Variants in ITPRIPL2 observed in about 807,000 individuals in gnomAD.
ITPRIPL2 encodes ITPRIP like 2.
ITPRIPL2 carries 29 observed loss-of-function variants against 31.7 expected under a neutral mutation model. The observed-to-expected ratio is 0.91, with a 90% CI of 0.68 to 1.25. The LOEUF (loss-of-function observed/expected upper bound fraction) is 1.25, where lower values mean the gene tolerates loss of function less well. Among genes scored for constraint, ITPRIPL2 ranks in the 50% most tolerant of loss-of-function variants. The pLI, the probability that ITPRIPL2 is intolerant of heterozygous loss-of-function variation, is 0.00. For synonymous variants in ITPRIPL2, 344 were observed against 343.4 expected (o/e 1.00, Z -0.02); for missense variants, 696 against 739.1 (o/e 0.94, Z 0.68).
chr16:19,119,925 G>T lies in ITPRIPL2; in HGVS notation c.*3856G>T, dbSNP rs1342939796. On this transcript the variant is annotated 3_prime_UTR_variant, in exon 1 of 1. Coordinates refer to ENST00000381440, the MANE Select transcript of ITPRIPL2 (RefSeq NM_001034841.4). The stretch of plus-strand genomic sequence containing the variant: ...TTGCAGATGAGTAATCAGAAGGATT[G>T]CAGAATAACTTGTTTCTTTGTATTT... The T allele has an allele frequency of 6.0e-6, 1 of 167,004 alleles. No individual in the cohort carries two copies. Among genetic ancestry groups the T allele is most frequent in the Non-Finnish European group, 1.5e-5 (1 of 68,102 alleles). 10.3% of individuals were successfully genotyped at this position (167,004 alleles called of 1,614,324 possible).
chr16:19,114,315 C>A lies in ITPRIPL2; in HGVS notation c.-147C>A. On this transcript the variant is annotated 5_prime_UTR_variant, in exon 1 of 1. Transcript: ENST00000381440. The stretch of plus-strand genomic sequence containing the variant: ...AGAGGAGGCCGAGCTGGAGGGCGGC[C>A]TCCCTCGGGCCTGCGTTCGGGAAGC... The A allele has an allele frequency of 2.1e-6, 1 of 482,632 alleles. No individual in the cohort carries two copies. The highest frequency in any genetic ancestry group is 3.3e-6 in the Non-Finnish European group (1 of 304,946). The allele number at this position is 482,632 out of a possible 1,614,324, so 29.9% of individuals were successfully genotyped here. A position where few individuals can be genotyped will look rare whatever the true frequency, so the allele number is the denominator to read the frequency against.
chr16:19,115,167 T>A lies in ITPRIPL2; in HGVS notation c.706T>A (p.Phe236Ile). ...GGACTGCAAACCCTTTGCTGATGCC[T>A]TCTGCGTGGATGTGCGCGGGCGGCG... Reference protein sequence around the residue: ...LRDCKPFADAFCVDVRGRRHL... With the variant: ...LRDCKPFADAICVDVRGRRHL... Residue 236 changes from phenylalanine to isoleucine, a missense_variant, in exon 1 of 1, where the codon TTC becomes ATC. Physicochemically the swap from Phe to Ile is conservative, Grantham distance 21. Transcript: ENST00000381440. 6.2e-7 allele frequency: 1 copy of A among 1,605,620 alleles called. No individual in the cohort carries two copies. Among genetic ancestry groups the A allele is most frequent in the South Asian group, 1.1e-5 (1 of 91,084 alleles).
In ITPRIPL2 at chr16:19,116,657, G is replaced by A. The variant is rs1199717274; in HGVS notation, c.*588G>A. On this transcript the variant is annotated 3_prime_UTR_variant, in exon 1 of 1. Transcript: ENST00000381440. ...GTATTTTTAAAATGGTGCAATCACA[G>A]GTGTTTGACAAGATTGTCAACAAGT... 1.2e-5 allele frequency: 2 copies of A among 167,062 alleles called. No individual in the cohort carries two copies. Among genetic ancestry groups the A allele is most frequent in the African/African-American group, 4.8e-5 (2 of 41,436 alleles). The allele number at this position is 167,062 out of a possible 1,614,324, so 10.3% of individuals were successfully genotyped here. A position where few individuals can be genotyped will look rare whatever the true frequency, so the allele number is the denominator to read the frequency against.
rs8051801 is a variant in ITPRIPL2 at position 19,115,170 on chromosome 16, T to G, written c.709T>G (p.Cys237Gly). ...RDCKPFADAF[C>G]VDVRGRRHLS... ...CTGCAAACCCTTTGCTGATGCCTTC[T>G]GCGTGGATGTGCGCGGGCGGCGTCA... Residue 237 changes from cysteine to glycine, a missense_variant, in exon 1 of 1, where the codon TGC becomes GGC. By Grantham distance (159) the Cys-to-Gly change is radical. Transcript: ENST00000381440. 3.1e-6 allele frequency: 5 copies of G among 1,605,748 alleles called. No homozygotes were observed. The highest frequency in any genetic ancestry group is 4.2e-6 in the Non-Finnish European group (5 of 1,179,958).
rs1344849919 is a variant in ITPRIPL2 at position 19,118,363 on chromosome 16, G to A, written c.*2294G>A. 1.8e-5 allele frequency: 3 copies of A among 162,192 alleles called. No homozygotes were observed. Among genetic ancestry groups the A allele is most frequent in the African/African-American group, 7.3e-5 (3 of 41,056 alleles). 10.0% of individuals were successfully genotyped at this position (162,192 alleles called of 1,614,324 possible). A position where few individuals can be genotyped will look rare whatever the true frequency, so the allele number is the denominator to read the frequency against. ...GCCTGTAATCCCAGATACTCGGGAGGCTAAGGCAGGAGAATCACTTGAACC... is the reference window on the plus strand; with the variant it reads ...GCCTGTAATCCCAGATACTCGGGAGACTAAGGCAGGAGAATCACTTGAACC... On this transcript the variant is annotated 3_prime_UTR_variant, in exon 1 of 1. Transcript: ENST00000381440.
Position 19,114,444 on chromosome 16 carries a change from C to T in ITPRIPL2, c.-18C>T. On this transcript the variant is annotated 5_prime_UTR_variant, in exon 1 of 1. Transcript: ENST00000381440. ...TGCCCCCTGGGCTGCTCGGCCACCGCCGCCCCGGGCGCCCGGCATGTCGGT... is the reference window on the plus strand; with the variant it reads ...TGCCCCCTGGGCTGCTCGGCCACCGTCGCCCCGGGCGCCCGGCATGTCGGT... 2 of 1,392,322 alleles carry T rather than the reference C, an allele frequency of 1.4e-6. No individual in the cohort carries two copies. Among genetic ancestry groups the T allele is most frequent in the Non-Finnish European group, 9.3e-7 (1 of 1,074,868 alleles). 86.2% of individuals were successfully genotyped at this position (1,392,322 alleles called of 1,614,324 possible). A position where few individuals can be genotyped will look rare whatever the true frequency, so the allele number is the denominator to read the frequency against.
rs949665163 is a variant in ITPRIPL2, at chr16:19,119,138, T to C, written c.*3069T>C. 4 of 413,246 alleles carry C rather than the reference T, an allele frequency of 9.7e-6. No homozygotes were observed. The highest frequency in any genetic ancestry group is 8.8e-5 in the Admixed American group (2 of 22,710). 25.6% of individuals were successfully genotyped at this position (413,246 alleles called of 1,614,324 possible). On this transcript the variant is annotated 3_prime_UTR_variant, in exon 1 of 1. Transcript: ENST00000381440. ...AGTCTTGGGAGCCTTCCTGGAATGA[T>C]CGTGGGCTGAGCGGAGATGTTTTTT...
In ITPRIPL2 at chr16:19,116,899, A is replaced by T. The variant is rs1369915646; in HGVS notation, c.*830A>T. ...ACATCGCCGCAGGCCACAAGCTGGG[A>T]TATGTACCTGTCCGTCAACATCCAT... On this transcript the variant is annotated 3_prime_UTR_variant, in exon 1 of 1. Coordinates refer to ENST00000381440, the MANE Select transcript of ITPRIPL2 (RefSeq NM_001034841.4). The T allele has an allele frequency of 1.2e-5, 2 of 167,092 alleles. No individual in the cohort carries two copies. The highest frequency in any genetic ancestry group is 4.8e-5 in the African/African-American group (2 of 41,446). The allele number at this position is 167,092 out of a possible 1,614,324, so 10.4% of individuals were successfully genotyped here. A position where few individuals can be genotyped will look rare whatever the true frequency, so the allele number is the denominator to read the frequency against.
chr16:19,114,526 C>A lies in ITPRIPL2; in HGVS notation c.65C>A (p.Ala22Asp). The change falls in exon 1 of 1, where the codon GCC becomes GAC. Residue 22 changes from alanine to aspartate, a missense_variant. Transcript: ENST00000381440. ...FWPLVTGLCTALVCLYHVLRG... is the reference protein window; with the variant it reads ...FWPLVTGLCTDLVCLYHVLRG... Reference sequence around the variant, plus strand: ...CCCCTGGTGACCGGCCTGTGCACCGCCCTGGTGTGCCTCTACCATGTCCTG... The same window carrying A: ...CCCCTGGTGACCGGCCTGTGCACCGACCTGGTGTGCCTCTACCATGTCCTG... 1 of 1,494,296 alleles carries A rather than the reference C, an allele frequency of 6.7e-7. No individual in the cohort carries two copies. The allele number at this position is 1,494,296 out of a possible 1,614,324, so 92.6% of individuals were successfully genotyped here.
In ITPRIPL2 at chr16:19,120,627, T is replaced by TATATATA. The variant is rs1567552790; in HGVS notation, c.*4558_*4559insATATATA. 2.6e-5 allele frequency: 2 copies of TATATATA among 77,984 alleles called. No individual in the cohort carries two copies. The highest frequency in any genetic ancestry group is 6.1e-5 in the African/African-American group (1 of 16,336). The allele number at this position is 77,984 out of a possible 1,614,324, so 4.8% of individuals were successfully genotyped here. ...AATATATATATATATATATATATAT[T>TATATATA]TTTTTTTTTTTTTTTTAGTAGAGAT... On this transcript the variant is annotated 3_prime_UTR_variant, in exon 1 of 1. Transcript: ENST00000381440.
Position 19,116,855 on chromosome 16 carries a change from C to T in ITPRIPL2, c.*786C>T, listed in dbSNP as rs1348805756. 1 of 167,086 alleles carries T rather than the reference C, an allele frequency of 6.0e-6. No individual in the cohort carries two copies. Among genetic ancestry groups the T allele is most frequent in the African/African-American group, 2.4e-5 (1 of 41,462 alleles). 10.4% of individuals were successfully genotyped at this position (167,086 alleles called of 1,614,324 possible). A position where few individuals can be genotyped will look rare whatever the true frequency, so the allele number is the denominator to read the frequency against. On this transcript the variant is annotated 3_prime_UTR_variant, in exon 1 of 1. Transcript: ENST00000381440. ...TAAATGTACAACCTTGAAAAGCAGC[C>T]AGCATGCTTGCCTAACTAACATCGC...
chr16:19,116,339 T>C lies in ITPRIPL2; in HGVS notation c.*270T>C. 2.4e-6 allele frequency: 1 copy of C among 412,524 alleles called. No homozygotes were observed. Among genetic ancestry groups the C allele is most frequent in the Non-Finnish European group, 4.5e-6 (1 of 224,336 alleles). The allele number at this position is 412,524 out of a possible 1,614,324, so 25.6% of individuals were successfully genotyped here. ...GAATTGGTTCAAATATTGTTCTGTG[T>C]AGACGGATTCTGTAGAAGGATGTGG... On this transcript the variant is annotated 3_prime_UTR_variant, in exon 1 of 1. Transcript: ENST00000381440.
chr16:19,114,125 G>A lies in ITPRIPL2; in HGVS notation c.-337G>A. ...GGGAGAGCCAGGAGGGCCGCCCAGG[G>A]TAGGAGGCGAGCCAGGCCGGGCCAG... On this transcript the variant is annotated 5_prime_UTR_variant, in exon 1 of 1. Transcript: ENST00000381440. 2.5e-6 allele frequency: 1 copy of A among 392,456 alleles called. No homozygotes were observed. Among genetic ancestry groups the A allele is most frequent in the Non-Finnish European group, 4.5e-6 (1 of 222,088 alleles). The allele number at this position is 392,456 out of a possible 1,614,324, so 24.3% of individuals were successfully genotyped here.
Position 19,115,372 on chromosome 16 carries a change from C to G in ITPRIPL2, c.911C>G (p.Ser304Cys). Residue 304 changes from serine to cysteine, a missense_variant, in exon 1 of 1, where the codon TCT (serine) becomes TGT (cysteine). Ser to Cys is a moderately radical substitution (Grantham distance 112, BLOSUM62 -1). Coordinates refer to ENST00000381440, the MANE Select transcript of ITPRIPL2 (RefSeq NM_001034841.4). ...CRTDYGCCRL[S>C]MAVRLIPAVH... ...ACTGACTACGGCTGCTGCCGCCTTT[C>G]TATGGCTGTGCGTCTCATCCCCGCT... 1 of 1,613,272 alleles carries G rather than the reference C, an allele frequency of 6.2e-7. No individual in the cohort carries two copies. The highest frequency in any genetic ancestry group is 8.5e-7 in the Non-Finnish European group (1 of 1,179,974).
rs1020061243 is a variant in ITPRIPL2 at position 19,114,253 on chromosome 16, AG to A, written c.-206del. On this transcript the variant is annotated 5_prime_UTR_variant, in exon 1 of 1. Coordinates refer to ENST00000381440, the MANE Select transcript of ITPRIPL2 (RefSeq NM_001034841.4). ...GGCGCGGCCCGGGGCCCGAGAGCGC[AG>A]GGCGGGCCGCAGCTGGAAGGAACAC... The A allele has an allele frequency of 2.8e-6, 1 of 359,024 alleles. No individual in the cohort carries two copies. The highest frequency in any genetic ancestry group is 2.1e-5 in the African/African-American group (1 of 47,020). The allele number at this position is 359,024 out of a possible 1,614,324, so 22.2% of individuals were successfully genotyped here.
At position 19,116,081 on chromosome 16, in the gene ITPRIPL2, ACC is replaced by A; in HGVS notation, c.*16_*17del. 6.4e-7 allele frequency: 1 copy of A among 1,554,030 alleles called. No individual in the cohort carries two copies. The highest frequency in any genetic ancestry group is 8.7e-7 in the Non-Finnish European group (1 of 1,147,336). ...AAGGTGAACCGTAAACCCTGACAGC[ACC>A]CCCACCTGACCAAATGCTCCTAAAG... On this transcript the variant is annotated 3_prime_UTR_variant, in exon 1 of 1. Coordinates refer to ENST00000381440, the MANE Select transcript of ITPRIPL2 (RefSeq NM_001034841.4).
At position 19,116,456 on chromosome 16, in the gene ITPRIPL2, A is replaced by T. The variant is rs1275903709; in HGVS notation, c.*387A>T. The T allele has an allele frequency of 1.3e-5, 2 of 159,112 alleles. No homozygotes were observed. Among genetic ancestry groups the T allele is most frequent in the Non-Finnish European group, 2.3e-5 (2 of 87,400 alleles). 9.9% of individuals were successfully genotyped at this position (159,112 alleles called of 1,614,324 possible). On this transcript the variant is annotated 3_prime_UTR_variant, in exon 1 of 1. Transcript: ENST00000381440. ...AGACACAGATCTCTCTGCCCAAATT[A>T]AAAAAAAACAAAACAAAACACTAAA...
chr16:19,115,547 G>A lies in ITPRIPL2; in HGVS notation c.1086G>A (p.Leu362=). 6.2e-7 allele frequency: 1 copy of A among 1,602,050 alleles called. No individual in the cohort carries two copies. Among genetic ancestry groups the A allele is most frequent in the Admixed American group, 1.7e-5 (1 of 59,820 alleles). Residue 362 remains leucine (L), a synonymous_variant, in exon 1 of 1, where the codon CTG becomes CTA. Coordinates refer to ENST00000381440, the MANE Select transcript of ITPRIPL2 (RefSeq NM_001034841.4). The part of the protein sequence containing the change: ...ARQEQKLLSW[L]QERAAPGACY... Reference sequence around the variant, plus strand: ...AGGAGCAGAAGCTGCTGAGTTGGCTGCAGGAACGGGCAGCTCCAGGTGCCT... The same window carrying A: ...AGGAGCAGAAGCTGCTGAGTTGGCTACAGGAACGGGCAGCTCCAGGTGCCT...
In ITPRIPL2 at chr16:19,115,590, C is replaced by A. The variant is rs1190027776; in HGVS notation, c.1129C>A (p.Gln377Lys). The A allele has an allele frequency of 1.2e-6, 2 of 1,605,964 alleles. No individual in the cohort carries two copies. Among genetic ancestry groups the A allele is most frequent in the Non-Finnish European group, 1.7e-6 (2 of 1,178,968 alleles). Residue 377 changes from glutamine to lysine, a missense_variant, in exon 1 of 1, where the codon CAG (glutamine) becomes AAG (lysine). Coordinates refer to ENST00000381440, the MANE Select transcript of ITPRIPL2 (RefSeq NM_001034841.4). ...AGGTGCCTGCTACCTCAAGTGCCTG[C>A]AGTTGCTTAAGGCTCTGCGCGATCT... is the stretch of plus-strand genomic sequence containing the variant. ...APGACYLKCL[Q>K]LLKALRDLGA... is the part of the protein sequence containing the mutation.
Sources: gnomAD v4.1 joint callset for allele counts on GRCh38, gnomAD v4.1.1 for gene constraint, MANE v1.5 for transcripts, NCBI Gene and HGNC (gene_info 2026-07-23, HGNC 2026-07-21) for gene names.